TRMO: variants seen among roughly 807,000 people sequenced by gnomAD.
TRMO encodes the protein tRNA (adenine(37)-N6)-methyltransferase.
TRMO carries 30 observed loss-of-function variants against 37.2 expected under a neutral mutation model. That is an observed-to-expected ratio of 0.81 (90% confidence interval 0.60 to 1.09). The LOEUF (loss-of-function observed/expected upper bound fraction) is 1.09. Among genes scored for constraint, TRMO ranks in the 50% least tolerant of loss-of-function variants. TRMO has a pLI of 0.00. For synonymous variants in TRMO, 239 were observed against 199.4 expected (o/e 1.20, Z -1.67); for missense variants, 552 against 549.5 (o/e 1.00, Z -0.05).
At chr9:97,922,373 G>T in intron 1 of TRMO, 45 bp downstream of exon 1, 1 of 1,346,914 alleles carries the variant, frequency 7.4e-7, no homozygotes, top group Non-Finnish European at 1.0e-6. Flanking sequence ...CGCTGCCTGG[G>T]CCTAAACCTC....
rs763052699 is a variant in TRMO, at chr9:97,910,205, T to C, written c.821A>G (p.Tyr274Cys). 1 of 1,614,252 alleles carries C rather than the reference T, an allele frequency of 6.2e-7. No homozygotes were observed. The highest frequency in any genetic ancestry group is 8.5e-7 in the Non-Finnish European group (1 of 1,180,038). The change falls in exon 4 of 5, where the codon TAT (tyrosine) becomes TGT (cysteine). Residue 274 changes from tyrosine (Y) to cysteine (C), a missense_variant. Tyr to Cys is a radical substitution (Grantham distance 194, BLOSUM62 -2). Transcript: ENST00000375119. ...SSVAEEQIGP[Y>C]CPEKSFSEKG... ...CTCTGAAAAGCTCTTCTCTGGGCAATATGGGCCAATTTGTTCTTCTGCCAC... is the reference window on the plus strand; with the variant it reads ...CTCTGAAAAGCTCTTCTCTGGGCAACATGGGCCAATTTGTTCTTCTGCCAC...
the TRMO span, among the ~76,000 whole-genome samples, chr9:97,897,084 T>C: frequency 3.3e-5 from 5 of 152,254 alleles, no homozygotes; most frequent in East Asian, 3.8e-4. Context: ...CCTCCTCATT[T>C]TACATATATG....
In TRMO at chr9:97,904,879, C is replaced by T. The variant is rs1825791056; in HGVS notation, c.1180G>A (p.Asp394Asn). 1 of 1,614,074 alleles carries T rather than the reference C, an allele frequency of 6.2e-7. No homozygotes were observed. The highest frequency in any genetic ancestry group is 1.3e-5 in the African/African-American group (1 of 74,922). ...RSVYRRKLCQ[D>N]RLFYFTVDIA... ...TCTACAGTAAAGTAGAAAAGGCGGT[C>T]CTGGCAAAGCTTCCGGCGGTACACA... is the stretch of plus-strand genomic sequence containing the variant. The change falls in exon 5 of 5, where the codon GAC becomes AAC. Residue 394 changes from aspartate to asparagine, a missense_variant. Coordinates refer to ENST00000375119, the MANE Select transcript of TRMO (RefSeq NM_016481.5).
chr9:97,904,174 CAG>C (rs542072648), downstream of TRMO, among the ~76,000 whole-genome samples: 13 of 152,146 alleles, frequency 8.5e-5, no homozygotes, highest in South Asian at 2.1e-4. Flanking sequence ...AAAGAAATCT[CAG>C]AGAGTCTCTA....
chr9:97,910,037 G>C lies in TRMO; in HGVS notation c.989C>G (p.Thr330Arg), dbSNP rs758621616. 6 of 1,609,308 alleles carry C rather than the reference G, an allele frequency of 3.7e-6. No homozygotes were observed. The South Asian group carries it at 6.6e-5, about 18-fold the overall frequency. Residue 330 changes from threonine to arginine, a missense_variant, in exon 4 of 5, where the codon ACA becomes AGA. Transcript: ENST00000375119. ...APRSVVPAWV[T>R]EAPVATLEVR... ...TTCTAAAGTGGCCACAGGAGCCTCTGTCACCCAGGCAGGAACCACGCTGCG... is the reference window on the plus strand; with the variant it reads ...TTCTAAAGTGGCCACAGGAGCCTCTCTCACCCAGGCAGGAACCACGCTGCG...
intron 1 of TRMO, 100 bp from the exon 2 acceptor site, chr9:97,916,438 T>A: frequency 1.2e-6 from 1 of 808,424 alleles, no homozygotes; most frequent in Non-Finnish European, 2.0e-6. Context: ...AGTTTTAAAA[T>A]CTTAGTGTCG....
chr9:97,914,020 G>T (rs1026051347), intron 2 of TRMO: 1 of 153,192 alleles, frequency 6.5e-6, no homozygotes, highest in Non-Finnish European at 1.5e-5. Context: ...GGCATGACTA[G>T]ACCTTCCTAA....
chr9:97,913,620 A>T, intron 2 of TRMO, 62 bp from the exon 3 acceptor site: 1 of 1,157,192 alleles, frequency 8.6e-7, no homozygotes, highest in Non-Finnish European at 1.3e-6. Flanking sequence ...ATTTTACCAC[A>T]ATGATCTGAT....
At chr9:97,916,862 C>T (rs546738348) in intron 1 of TRMO, among the ~76,000 whole-genome samples, 12 of 149,692 alleles carry the variant, frequency 8.0e-5, no homozygotes, top group Non-Finnish European at 1.0e-4. Context: ...CCCACCACCA[C>T]GCTCAACTTT....
intron 1 of TRMO, among the ~76,000 whole-genome samples, chr9:97,920,574 C>T (rs1390012800): frequency 6.6e-6 from 1 of 152,176 alleles, no homozygotes; most frequent in African/African-American, 2.4e-5. Flanking sequence ...GCAAGGAGTG[C>T]TTTTTAAAGT....
At chr9:97,921,858 A>G (rs571731699) in intron 1 of TRMO, among the ~76,000 whole-genome samples, 98 of 152,302 alleles carry the variant, frequency 6.4e-4, no homozygotes, top group African/African-American at 2.1e-3. Flanking sequence ...GTAGACACCA[A>G]GATATTGACA....
At position 97,914,731 on chromosome 9, in the gene TRMO, ACTGTT is replaced by A. The variant is rs370996588; in HGVS notation, c.252-1178_252-1174del. Among the ~76,000 whole-genome samples, 568 of 152,308 alleles carry A rather than the reference ACTGTT, an allele frequency of 3.7e-3. 1 individual carries two copies. Among genetic ancestry groups the A allele is most frequent in the African/African-American group, 0.013 (539 of 41,564 alleles). ...GTCGTGAAAGTTCTCCATGGTATAT[ACTGTT>A]ATGTGAAGAAAACATACTTTTTTAA... On this transcript the variant is annotated intron_variant, in intron 2 of 4. Transcript: ENST00000375119.
rs548065091 is a variant in TRMO at position 97,907,891 on chromosome 9, T to C, written c.1066+2069A>G. Among the ~76,000 whole-genome samples, 5 of 152,314 alleles carry C rather than the reference T, an allele frequency of 3.3e-5. No individual in the cohort carries two copies. The South Asian group carries it at 8.3e-4, about 25-fold the overall frequency. On this transcript the variant is annotated intron_variant, in intron 4 of 4. Transcript: ENST00000375119. Reference sequence around the variant, plus strand: ...GCACTGGCTGTCCCTCAGGCCAGCATGTCCTTTCTCTGGACAGGCTGGCTC... The same window carrying C: ...GCACTGGCTGTCCCTCAGGCCAGCACGTCCTTTCTCTGGACAGGCTGGCTC...
intron 1 of TRMO, among the ~76,000 whole-genome samples, chr9:97,919,239 C>A (rs1430553769): frequency 6.6e-6 from 1 of 151,660 alleles, no homozygotes; most frequent in Non-Finnish European, 1.5e-5. Context: ...AGATAAATGG[C>A]CAAAAAAGAC....
At chr9:97,920,295 C>T (rs2131542288) in intron 1 of TRMO, among the ~76,000 whole-genome samples, 1 of 152,292 alleles carries the variant, frequency 6.6e-6, no homozygotes, top group Non-Finnish European at 1.5e-5. Context: ...TAAATAAGCA[C>T]AGGTATGACA....
At chr9:97,921,417 G>C (rs1329855989) in intron 1 of TRMO, among the ~76,000 whole-genome samples, 3 of 150,192 alleles carry the variant, frequency 2.0e-5, no homozygotes, top group African/African-American at 4.9e-5. Flanking sequence ...ACAAAACAAA[G>C]TGTTAATTTT....
chr9:97,909,488 T>C (rs1436439051), intron 4 of TRMO, among the ~76,000 whole-genome samples: 3 of 152,206 alleles, frequency 2.0e-5, no homozygotes, highest in Admixed American at 6.5e-5. Context: ...TAAGAGACTC[T>C]TCCCCTGTGA....
chr9:97,918,218 T>C (rs1478914095), intron 1 of TRMO, among the ~76,000 whole-genome samples: 5 of 148,832 alleles, frequency 3.4e-5, no homozygotes, highest in Admixed American at 2.7e-4. Context: ...CCATCTCTAC[T>C]AGAAGTACAA....
Position 97,910,053 on chromosome 9 carries a change from C to A in TRMO, c.973G>T (p.Val325Phe), listed in dbSNP as rs780646509. 1.9e-6 allele frequency: 3 copies of A among 1,612,398 alleles called. 1 individual carries two copies. In the South Asian group the frequency reaches 3.3e-5, roughly 18 times the overall value. ...GGAGCCTCTGTCACCCAGGCAGGAA[C>A]CACGCTGCGGGGAGCTCCATCAGCC... Reference protein sequence around the residue: ...GRADGAPRSVVPAWVTEAPVA... With the variant: ...GRADGAPRSVFPAWVTEAPVA... Residue 325 changes from valine (V) to phenylalanine (F), a missense_variant, in exon 4 of 5, where the codon GTT becomes TTT. By Grantham distance (50) the Val-to-Phe change is conservative. Coordinates refer to ENST00000375119, the MANE Select transcript of TRMO (RefSeq NM_016481.5).
Sources: gnomAD v4.1 joint callset for allele counts (sites outside exome capture counted in the v4.1 genomes callset) on GRCh38, gnomAD v4.1.1 for gene constraint, MANE v1.5 for transcripts, NCBI Gene and HGNC (gene_info 2026-07-23, HGNC 2026-07-21) for gene names.